Variants in ZBTB41 observed in about 807,000 individuals in gnomAD.
ZBTB41 encodes the protein zinc finger and BTB domain-containing protein 41.
ZBTB41 carries 42 observed loss-of-function variants against 87.6 expected under a neutral mutation model. That is an observed-to-expected ratio of 0.48 (90% confidence interval 0.37 to 0.62). The LOEUF (loss-of-function observed/expected upper bound fraction) is 0.62, where lower values mean the gene tolerates loss of function less well. Among genes scored for constraint, ZBTB41 ranks in the 20% least tolerant of loss-of-function variants. The pLI is 0.00. For synonymous variants in ZBTB41, 364 were observed against 364.0 expected, an observed-to-expected ratio of 1.00 and a Z score of 0.00; for missense variants, 799 against 1,078.9, an observed-to-expected ratio of 0.74 and a Z score of 3.63.
intron 7 of ZBTB41, 24 bp downstream of exon 7, chr1:197,178,387 TTAATAA>T (rs1177972927): frequency 7.0e-7 from 1 of 1,437,966 alleles, no homozygotes; most frequent in African/African-American, 1.4e-5. Context: ...TCTATCTTAC[TTAATAA>T]AGGGAAAAAA....
At chr1:197,186,013 A>G (rs1361399174) in intron 5 of ZBTB41, among the ~76,000 whole-genome samples, 1 of 152,204 alleles carries the variant, frequency 6.6e-6, no homozygotes, top group Non-Finnish European at 1.5e-5. Flanking sequence ...AGAAGAGCCA[A>G]CACAACACTG....
intron 2 of ZBTB41, among the ~76,000 whole-genome samples, chr1:197,193,524 C>A (rs553360279): frequency 1.3e-5 from 2 of 152,322 alleles, no homozygotes; most frequent in South Asian, 4.1e-4. Context: ...ATGGATACAT[C>A]TGATTTATGA....
In ZBTB41 at chr1:197,173,677, A is replaced by G. The variant is rs1659529627; in HGVS notation, c.1985+1333T>C. Among the ~76,000 whole-genome samples the G allele has an allele frequency of 1.3e-5, 2 of 152,112 alleles. 1 individual carries two copies. The highest frequency in any genetic ancestry group is 4.1e-4 in the South Asian group (2 of 4,832). On this transcript the variant is annotated intron_variant, in intron 9 of 10. Transcript: ENST00000367405. ...TACACAGATAATTTGGATTTTGTGAATTGAGGTTGTGAATAATAACCCTGG... is the reference window on the plus strand; with the variant it reads ...TACACAGATAATTTGGATTTTGTGAGTTGAGGTTGTGAATAATAACCCTGG...
At chr1:197,170,654 G>A (rs1021203533) in intron 10 of ZBTB41, among the ~76,000 whole-genome samples, 1 of 152,080 alleles carries the variant, frequency 6.6e-6, no homozygotes, top group African/African-American at 2.4e-5. Flanking sequence ...AAGCCACTCT[G>A]TGAAGTCCTG....
At chr1:197,180,315 T>A (rs1659712513) in intron 6 of ZBTB41, among the ~76,000 whole-genome samples, 2 of 152,154 alleles carry the variant, frequency 1.3e-5, no homozygotes, top group Admixed American at 1.3e-4. Context: ...TAGGTTTGCA[T>A]AAGTACACTC....
Position 197,159,711 on chromosome 1 carries a change from G to A in ZBTB41, c.2378C>T (p.Ser793Leu), listed in dbSNP as rs761314365. ...ATTCTGTAACATCGTCTTGGCTTCC[G>A]ACTGATAAACTTTGGGCTGGTCCAT... ...QYMDQPKVYQSEAKTMLQNVS... is the reference protein window; with the variant it reads ...QYMDQPKVYQLEAKTMLQNVS... Residue 793 changes from serine to leucine, a missense_variant, in exon 11 of 11, where the codon TCG (serine) becomes TTG (leucine). Ser to Leu is a moderately radical substitution (Grantham distance 145). This residue lies in a region of ZBTB41 where 171 missense variants were observed against 191.9 expected (regional missense o/e 0.89). Transcript: ENST00000367405. The A allele has an allele frequency of 9.5e-5, 153 of 1,613,792 alleles. No homozygotes were observed. Among genetic ancestry groups the A allele is most frequent in the Non-Finnish European group, 1.2e-4 (145 of 1,179,888 alleles).
At chr1:197,181,201 T>C (rs1299557299) in intron 5 of ZBTB41, 84 bp from the exon 6 acceptor site, 4 of 1,287,090 alleles carry the variant, frequency 3.1e-6, no homozygotes, top group Middle Eastern at 2.6e-4. Context: ...TGTAAGTTCA[T>C]GCCTATCCTA....
intron 3 of ZBTB41, among the ~76,000 whole-genome samples, chr1:197,191,105 C>T (rs1660019326): frequency 6.6e-6 from 1 of 151,768 alleles, no homozygotes; most frequent in African/African-American, 2.4e-5. Context: ...ATATATAATA[C>T]TCTATTAAAT....
chr1:197,195,573 T>C (rs1453252507), intron 2 of ZBTB41, among the ~76,000 whole-genome samples: 2 of 152,222 alleles, frequency 1.3e-5, no homozygotes, highest in Non-Finnish European at 1.5e-5. Flanking sequence ...CTAAGTGGAA[T>C]ATCTGCACGA....
chr1:197,190,796 A>G lies in ZBTB41; in HGVS notation c.1364T>C (p.Ile455Thr). 1 of 1,592,076 alleles carries G rather than the reference A, an allele frequency of 6.3e-7. No homozygotes were observed. Among genetic ancestry groups the G allele is most frequent in the Non-Finnish European group, 8.6e-7 (1 of 1,166,922 alleles). ...HPENAQEFISIKKTKSESWKC... is the reference protein window; with the variant it reads ...HPENAQEFISTKKTKSESWKC... ...CCAACTTTCACTCTTAGTCTTCTTA[A>G]TGGAAATAAATTCTTGTGCATTTTC... Residue 455 changes from isoleucine to threonine, a missense_variant, in exon 4 of 11, where the codon ATT (isoleucine) becomes ACT (threonine). Physicochemically the swap from Ile to Thr is moderately conservative, Grantham distance 89 (BLOSUM62 -1). Coordinates refer to ENST00000367405, the MANE Select transcript of ZBTB41 (RefSeq NM_194314.3).
At chr1:197,163,171 A>ACTTT (rs905830918) in intron 10 of ZBTB41, among the ~76,000 whole-genome samples, 57 of 152,296 alleles carry the variant, frequency 3.7e-4, no homozygotes, top group African/African-American at 1.3e-3. Context: ...GTAGCCAGAA[A>ACTTT]CAAAACAAAG....
rs1283506458 is a variant in ZBTB41, at chr1:197,157,337, T to C, written c.*2022A>G. The C allele has an allele frequency of 2.0e-5, 3 of 151,816 alleles. No individual in the cohort carries two copies. The highest frequency in any genetic ancestry group is 7.2e-5 in the African/African-American group (3 of 41,416). 9.4% of individuals were successfully genotyped at this position (151,816 alleles called of 1,614,324 possible). A position where few individuals can be genotyped will look rare whatever the true frequency, so the allele number is the denominator to read the frequency against. On this transcript the variant is annotated 3_prime_UTR_variant, in exon 11 of 11. Coordinates refer to ENST00000367405, the MANE Select transcript of ZBTB41 (RefSeq NM_194314.3). ...TACATGTATATAAATATATATATAC[T>C]ATCTGCCTTTTTATAAGTCTAAACT...
chr1:197,196,194 T>C (rs1660157570), intron 2 of ZBTB41, among the ~76,000 whole-genome samples: 1 of 152,164 alleles, frequency 6.6e-6, no homozygotes, highest in South Asian at 2.1e-4. Flanking sequence ...GGGTGGCATT[T>C]TAAAATTCTA....
chr1:197,171,720 A>T (rs936602676), intron 10 of ZBTB41, among the ~76,000 whole-genome samples: 10 of 151,996 alleles, frequency 6.6e-5, no homozygotes, highest in African/African-American at 1.9e-4. Flanking sequence ...AAGGAAAATG[A>T]AACGATGGTA....
In ZBTB41 at chr1:197,154,878, G is replaced by T. The variant is rs1052101524; in HGVS notation, c.*4481C>A. On this transcript the variant is annotated 3_prime_UTR_variant, in exon 11 of 11. Coordinates refer to ENST00000367405, the MANE Select transcript of ZBTB41 (RefSeq NM_194314.3). ...ATGCTACTTGTAGAATACATTTCTA[G>T]GCATTTTAAATTTGGCACTGAATCT... 6.6e-6 allele frequency: 1 copy of T among 152,430 alleles called. No individual in the cohort carries two copies. Among genetic ancestry groups the T allele is most frequent in the African/African-American group, 2.4e-5 (1 of 41,424 alleles). 9.4% of individuals were successfully genotyped at this position (152,430 alleles called of 1,614,324 possible).
Position 197,156,451 on chromosome 1 carries a change from C to T in ZBTB41, c.*2908G>A, listed in dbSNP as rs1314095327. On this transcript the variant is annotated 3_prime_UTR_variant, in exon 11 of 11. Coordinates refer to ENST00000367405, the MANE Select transcript of ZBTB41 (RefSeq NM_194314.3). ...AATTTAAAACAATAAATTATGCTCA[C>T]AAAATAAAAAAATTCTGAATGAGGC... 1 of 152,002 alleles carries T rather than the reference C, an allele frequency of 6.6e-6. No individual in the cohort carries two copies. The highest frequency in any genetic ancestry group is 6.6e-5 in the Admixed American group (1 of 15,182). The allele number at this position is 152,002 out of a possible 1,614,324, so 9.4% of individuals were successfully genotyped here.
chr1:197,198,637 G>A (rs1660225599), intron 2 of ZBTB41, among the ~76,000 whole-genome samples: 1 of 152,062 alleles, frequency 6.6e-6, no homozygotes, highest in African/African-American at 2.4e-5. Flanking sequence ...GCAAATATTA[G>A]ACAACTTGAA....
At position 197,187,153 on chromosome 1, in the gene ZBTB41, AAACT is replaced by A. The variant is rs760894693; in HGVS notation, c.1546+1135_1546+1138del. Among the ~76,000 whole-genome samples, 3 of 152,342 alleles carry A rather than the reference AAACT, an allele frequency of 2.0e-5. No homozygotes were observed. The East Asian group carries it at 5.8e-4, about 29-fold the overall frequency. ...GGAAGACAATTTGACAGTTTCTTAC[AAACT>A]AATTATACTCTTACCATCTGATCCA... On this transcript the variant is annotated intron_variant, in intron 5 of 10. Transcript: ENST00000367405.
Position 197,199,668 on chromosome 1 carries a change from T to C in ZBTB41, c.806A>G (p.Asp269Gly). 1 of 1,613,528 alleles carries C rather than the reference T, an allele frequency of 6.2e-7. No homozygotes were observed. ...TGACCCATCACCACTTTCCTGTTCA[T>C]CATCGCTGGTGTCATCAAACTTAAC... Reference protein sequence around the residue: ...CPVKFDDTSDDEQESGDGSDN... With the variant: ...CPVKFDDTSDGEQESGDGSDN... The change falls in exon 2 of 11, where the codon GAT (aspartate) becomes GGT (glycine). Residue 269 changes from aspartate to glycine, a missense_variant. Coordinates refer to ENST00000367405, the MANE Select transcript of ZBTB41 (RefSeq NM_194314.3).
Sources: allele counts gnomAD v4.1 joint callset (sites outside exome capture counted in the v4.1 genomes callset), GRCh38; gene constraint gnomAD v4.1.1; regional missense constraint gnomAD v4.1.1; transcripts MANE v1.5; gene names NCBI Gene and HGNC (gene_info 2026-07-23, HGNC 2026-07-21).